Variants in PDXK observed in about 807,000 individuals in gnomAD.
PDXK encodes epididymis secretory sperm binding protein Li 1a.
In PDXK, 15 loss-of-function variants were observed where a neutral mutation model predicts 43.2. The ratio of observed to expected loss-of-function variants is 0.35; its 90% CI spans 0.23 to 0.53. PDXK has a LOEUF of 0.53. Among genes scored for constraint, PDXK ranks in the 20% least tolerant of loss-of-function variants. The pLI, the probability that PDXK is intolerant of heterozygous loss-of-function variation, is 0.92. For missense variants in PDXK, 343 were observed against 417.0 expected (o/e 0.82, Z 1.54); for synonymous variants, 172 against 165.4 (o/e 1.04, Z -0.31).
chr21:43,753,329 C>T (rs2083788223), intron 8 of PDXK, among the ~76,000 whole-genome samples: 1 of 152,218 alleles, frequency 6.6e-6, no homozygotes. Flanking sequence ...GCCGTCGTTA[C>T]TCTCGGGAGT....
At chr21:43,749,411 G>C (rs1322012516) in intron 6 of PDXK, among the ~76,000 whole-genome samples, 1 of 152,240 alleles carries the variant, frequency 6.6e-6, no homozygotes, top group African/African-American at 2.4e-5. Flanking sequence ...AGCAGAGTAA[G>C]TTATTTTAAA....
At chr21:43,733,252 CA>C (rs200569809) in intron 1 of PDXK, among the ~76,000 whole-genome samples, 7,533 of 50,856 alleles carry the variant, frequency 0.15, 62 homozygotes, top group South Asian at 0.19. Flanking sequence ...TCCCCATCCC[CA>C]CCCCCCCCCC....
At chr21:43,733,609 G>GA in intron 1 of PDXK, 1 of 1,029,346 alleles carries the variant, frequency 9.7e-7, no homozygotes, top group Non-Finnish European at 1.2e-6. Flanking sequence ...GCTGCCCGCG[G>GA]AGCCCTTGGC....
At chr21:43,753,248 G>A (rs1215755062) in intron 8 of PDXK, among the ~76,000 whole-genome samples, 1 of 152,034 alleles carries the variant, frequency 6.6e-6, no homozygotes. Flanking sequence ...GGACACACAT[G>A]CATACACGTG....
intron 2 of PDXK, chr21:43,741,025 A>ACGCAGC (rs2083491747): frequency 6.7e-6 from 1 of 148,570 alleles, no homozygotes; most frequent in Non-Finnish European, 1.5e-5. Flanking sequence ...TGGGGGAGCA[A>ACGCAGC]CGCAGCCGTG....
chr21:43,733,298 G>T (rs1294698394), intron 1 of PDXK, among the ~76,000 whole-genome samples: 1 of 121,564 alleles, frequency 8.2e-6, no homozygotes, highest in Non-Finnish European at 1.6e-5. Context: ...CGCTGTCCTG[G>T]TGTTGACAGC....
intron 7 of PDXK, 147 bp downstream of exon 7, chr21:43,750,692 A>G: frequency 3.3e-6 from 2 of 604,524 alleles, no homozygotes; most frequent in Non-Finnish European, 5.9e-6. Flanking sequence ...AGAGATCAGC[A>G]GGATATATGT....
chr21:43,756,439 C>T lies in PDXK; in HGVS notation c.*376C>T, dbSNP rs959591517. On this transcript the variant is annotated 3_prime_UTR_variant, in exon 11 of 11. Transcript: ENST00000291565. ...CCACTACCGTACAGAGGCCGTGTCG[C>T]GCTGGGCTGGGCCTGGGTGGCCTCT... 33 of 191,224 alleles carry T rather than the reference C, an allele frequency of 1.7e-4. No individual in the cohort carries two copies. The highest frequency in any genetic ancestry group is 2.9e-4 in the Non-Finnish European group (26 of 91,210). 11.8% of individuals were successfully genotyped at this position (191,224 alleles called of 1,614,324 possible). A position where few individuals can be genotyped will look rare whatever the true frequency, so the allele number is the denominator to read the frequency against.
Position 43,728,190 on chromosome 21 carries a change from G to C in PDXK, c.88-5879G>C, listed in dbSNP as rs145620842. ...GGGCTCGGGGCCATTTCCACCAGAA[G>C]TTCCCCCTGGGAGTTTGTAGGACAA... is the stretch of plus-strand genomic sequence containing the variant. On this transcript the variant is annotated intron_variant, in intron 1 of 10. Coordinates refer to ENST00000291565, the MANE Select transcript of PDXK (RefSeq NM_003681.5). Among the ~76,000 whole-genome samples the C allele has an allele frequency of 1.4e-3, 208 of 152,318 alleles. 1 individual carries two copies. The highest frequency in any genetic ancestry group is 4.7e-3 in the African/African-American group (196 of 41,554).
chr21:43,746,152 A>G (rs1244181108), intron 5 of PDXK, 27 bp downstream of exon 5: 7 of 1,590,674 alleles, frequency 4.4e-6, no homozygotes, highest in Admixed American at 1.7e-5. Context: ...GTGTGATTTA[A>G]AAGTGTGGTG....
intron 2 of PDXK, among the ~76,000 whole-genome samples, chr21:43,739,847 G>A (rs1326753777): frequency 6.6e-6 from 1 of 151,758 alleles, no homozygotes; most frequent in Non-Finnish European, 1.5e-5. Flanking sequence ...AAATCCGAGG[G>A]CAGAAAGGAC....
At position 43,759,761 on chromosome 21, in the gene PDXK, C is replaced by A. The variant is rs934596439; in HGVS notation, c.*3698C>A. The A allele has an allele frequency of 3.3e-5, 5 of 152,422 alleles. No homozygotes were observed. Among genetic ancestry groups the A allele is most frequent in the African/African-American group, 1.2e-4 (5 of 41,474 alleles). 9.4% of individuals were successfully genotyped at this position (152,422 alleles called of 1,614,324 possible). A position where few individuals can be genotyped will look rare whatever the true frequency, so the allele number is the denominator to read the frequency against. On this transcript the variant is annotated 3_prime_UTR_variant, in exon 11 of 11. Transcript: ENST00000291565. ...CACTCTGCCCGCCGGAGGGATGTGC[C>A]TGCTGAGCCTTTTCCTTCCACGCCG...
At chr21:43,726,478 A>G (rs1016282777) in intron 1 of PDXK, among the ~76,000 whole-genome samples, 1 of 151,964 alleles carries the variant, frequency 6.6e-6, no homozygotes, top group East Asian at 1.9e-4. Flanking sequence ...GGGTTTCACC[A>G]TGTTAGCCAG....
rs1001470800 is a variant in PDXK, at chr21:43,737,279, G to A, written c.142+3156G>A. The A allele has an allele frequency of 1.1e-5, 15 of 1,411,266 alleles. No homozygotes were observed. The highest frequency in any genetic ancestry group is 7.2e-5 in the African/African-American group (5 of 69,216). The allele number at this position is 1,411,266 out of a possible 1,614,324, so 87.4% of individuals were successfully genotyped here. ...CAAGTGCCTGCAGAGCCCACCTGGC[G>A]CAGGCCTCGCCGCCTCGAGGCTGCT... On this transcript the variant is annotated intron_variant, in intron 2 of 10. Transcript: ENST00000291565. This position sits in a 1 kb window ranked among gnomAD's most constrained non-coding sequence, Gnocchi z 4.8.
rs928967731 is a variant in PDXK at position 43,750,559 on chromosome 21, C to T, written c.510+14C>T. The T allele has an allele frequency of 1.9e-5, 31 of 1,606,848 alleles. No homozygotes were observed. Among genetic ancestry groups the T allele is most frequent in the Non-Finnish European group, 2.6e-5 (30 of 1,174,368 alleles). On this transcript the variant is annotated intron_variant, in intron 7 of 10. Coordinates refer to ENST00000291565, the MANE Select transcript of PDXK (RefSeq NM_003681.5). ...GAAGCCTTGCGGGTAAGGAGGCCCT[C>T]TGGGGCCTGTGCGGGGCACATGTGC...
In PDXK at chr21:43,728,979, C is replaced by T. The variant is rs1043737835; in HGVS notation, c.88-5090C>T. 4 of 985,554 alleles carry T rather than the reference C, an allele frequency of 4.1e-6. No individual in the cohort carries two copies. The African/African-American group carries it at 7.0e-5, about 17-fold the overall frequency. The allele number at this position is 985,554 out of a possible 1,614,324, so 61.1% of individuals were successfully genotyped here. A position where few individuals can be genotyped will look rare whatever the true frequency, so the allele number is the denominator to read the frequency against. On this transcript the variant is annotated intron_variant, in intron 1 of 10. Transcript: ENST00000291565. ...AGTGTAGCCATCTGACTGGCTTTCT[C>T]TCTCGGCAGGAGACGGGGCGCACGC...
In PDXK at chr21:43,734,517, G is replaced by A. The variant is rs959476131; in HGVS notation, c.142+394G>A. On this transcript the variant is annotated intron_variant, in intron 2 of 10. Transcript: ENST00000291565. This position sits in a 1 kb window ranked among gnomAD's most constrained non-coding sequence, Gnocchi z 5.0. Reference sequence around the variant, plus strand: ...CCAATGCCTGGCTCAGAGCGCAGCCGTGTGACTCCTGCTGTCCACCTGCCT... The same window carrying A: ...CCAATGCCTGGCTCAGAGCGCAGCCATGTGACTCCTGCTGTCCACCTGCCT... Among the ~76,000 whole-genome samples the A allele has an allele frequency of 1.3e-5, 2 of 152,232 alleles. No individual in the cohort carries two copies. The highest frequency in any genetic ancestry group is 6.5e-5 in the Admixed American group (1 of 15,288).
intron 3 of PDXK, among the ~76,000 whole-genome samples, chr21:43,742,382 A>G (rs1281498477): frequency 1.3e-5 from 2 of 151,912 alleles, no homozygotes; most frequent in African/African-American, 4.8e-5. Flanking sequence ...GGGTTTTGCC[A>G]TGTTGCCCAG....
intron 1 of PDXK, chr21:43,728,589 GTGTCTGGC>G (rs1364618243): frequency 2.5e-6 from 1 of 394,244 alleles, no homozygotes; most frequent in Non-Finnish European, 3.5e-6. Flanking sequence ...CGCTCACGTA[GTGTCTGGC>G]TGTCTGCCTG....
Sources: allele counts gnomAD v4.1 joint callset (sites outside exome capture counted in the v4.1 genomes callset), GRCh38; gene constraint gnomAD v4.1.1; non-coding constraint Gnocchi (gnomAD v3.1); transcripts MANE v1.5; gene names NCBI Gene and HGNC (gene_info 2026-07-23, HGNC 2026-07-21).